Variants in ATP2A2 observed in about 807,000 individuals in gnomAD.
The protein encoded by ATP2A2 is sarcoplasmic/endoplasmic reticulum calcium ATPase 2.
Under a neutral mutation model 109.3 loss-of-function variants are expected in ATP2A2, and 14 were observed. The observed-to-expected ratio is 0.13, with a 90% CI of 0.08 to 0.20. The LOEUF is 0.20. Among genes scored for constraint, ATP2A2 ranks in the 10% least tolerant of loss-of-function variants. ATP2A2 has a pLI of 1.00. For missense variants in ATP2A2, 657 were observed against 1,321.6 expected, an observed-to-expected ratio of 0.50 and a Z score of 7.80; for synonymous variants, 506 against 490.9, an observed-to-expected ratio of 1.03 and a Z score of -0.41.
chr12:110,327,130 G>C lies in ATP2A2; in HGVS notation c.631-423G>C, dbSNP rs1241800448. 6.6e-6 allele frequency among the ~76,000 whole-genome samples: 1 copy of C among 152,144 alleles called. No individual in the cohort carries two copies. The highest frequency in any genetic ancestry group is 2.4e-5 in the African/African-American group (1 of 41,430). Reference sequence around the variant, plus strand: ...CTCACATTTGATTTCTTTGGTTTTTGGACCCTGTCACATGAGTAGGGGTTG... The same window carrying C: ...CTCACATTTGATTTCTTTGGTTTTTCGACCCTGTCACATGAGTAGGGGTTG... On this transcript the variant is annotated intron_variant, in intron 7 of 19. Transcript: ENST00000539276. The surrounding 1 kb of genome is among the most constrained non-coding windows in gnomAD (Gnocchi z 4.4).
rs552778725 is a variant in ATP2A2, at chr12:110,301,493, C to T, written c.463+4756C>T. Among the ~76,000 whole-genome samples the T allele has an allele frequency of 3.9e-5, 6 of 152,220 alleles. No individual in the cohort carries two copies. In the East Asian group the frequency reaches 7.7e-4, roughly 20 times the overall value. ...CCCCCCTCTTATCCTCTGATTTGTC[C>T]GTAAGGCCACTGATTCTGTCTCCAG... On this transcript the variant is annotated intron_variant, in intron 5 of 19. Coordinates refer to ENST00000539276, the MANE Select transcript of ATP2A2 (RefSeq NM_170665.4).
intron 3 of ATP2A2, 45 bp downstream of exon 3, chr12:110,282,840 G>T (rs373761924): frequency 6.8e-7 from 1 of 1,469,462 alleles, no homozygotes; most frequent in South Asian, 1.2e-5. Flanking sequence ...AAAGCTGAAA[G>T]TATTCCATAG....
In ATP2A2 at chr12:110,340,262, C is replaced by T. The variant is rs1431711527; in HGVS notation, c.1762-397C>T. 6.6e-6 allele frequency among the ~76,000 whole-genome samples: 1 copy of T among 152,024 alleles called. No individual in the cohort carries two copies. The highest frequency in any genetic ancestry group is 2.4e-5 in the African/African-American group (1 of 41,394). On this transcript the variant is annotated intron_variant, in intron 13 of 19. Transcript: ENST00000539276. This position sits in a 1 kb window ranked among gnomAD's most constrained non-coding sequence, Gnocchi z 6.0. ...ATAAGAAAATGCAAAAACCGCCAGG[C>T]ACGGTGGCTCAAATGCCTGTAATCT...
chr12:110,345,519 GT>G, intron 18 of ATP2A2, 137 bp downstream of exon 18: 1 of 1,340,770 alleles, frequency 7.5e-7, no homozygotes. Flanking sequence ...GGCAATACCA[GT>G]TTTAAAAGCA....
intron 3 of ATP2A2, among the ~76,000 whole-genome samples, chr12:110,283,385 A>G (rs1346353484): frequency 2.6e-5 from 4 of 152,156 alleles, no homozygotes; most frequent in Non-Finnish European, 4.4e-5. Flanking sequence ...GGTTTAGTAC[A>G]GTTGGTTCTA....
Position 110,282,695 on chromosome 12 carries a change from T to G in ATP2A2, c.137-18T>G, listed in dbSNP as rs553625243. The G allele has an allele frequency of 1.9e-6, 3 of 1,613,912 alleles. No individual in the cohort carries two copies. The highest frequency in any genetic ancestry group is 2.5e-6 in the Non-Finnish European group (3 of 1,179,882). ...ATGGTAAGATGACAGTTAAAACACATGTGTTTGTTTCTTACAGGAAAAACC... is the reference window on the plus strand; with the variant it reads ...ATGGTAAGATGACAGTTAAAACACAGGTGTTTGTTTCTTACAGGAAAAACC... On this transcript the variant is annotated intron_variant, in intron 2 of 19. Coordinates refer to ENST00000539276, the MANE Select transcript of ATP2A2 (RefSeq NM_170665.4).
rs1880012425 is a variant in ATP2A2, at chr12:110,347,703, C to A, written c.*1233C>A. 2 of 1,164,654 alleles carry A rather than the reference C, an allele frequency of 1.7e-6. No homozygotes were observed. Among genetic ancestry groups the A allele is most frequent in the Non-Finnish European group, 2.2e-6 (2 of 929,366 alleles). 72.1% of individuals were successfully genotyped at this position (1,164,654 alleles called of 1,614,324 possible). Reference sequence around the variant, plus strand: ...ACTACGATCAATGTTTGCGCATGTTCGAGATGAGTCTCACCAACAGTGTGT... The same window carrying A: ...ACTACGATCAATGTTTGCGCATGTTAGAGATGAGTCTCACCAACAGTGTGT... On this transcript the variant is annotated 3_prime_UTR_variant, in exon 20 of 20. Transcript: ENST00000539276.
At chr12:110,323,615 G>T (rs1437327801) in intron 6 of ATP2A2, among the ~76,000 whole-genome samples, 3 of 152,124 alleles carry the variant, frequency 2.0e-5, no homozygotes, top group African/African-American at 7.2e-5. Context: ...TTAAAGACGG[G>T]CCTGGGCAAC....
At chr12:110,300,116 T>TCCCTCCCCTCCCCTC (rs373588693) in intron 5 of ATP2A2, among the ~76,000 whole-genome samples, 1 of 103,328 alleles carries the variant, frequency 9.7e-6, no homozygotes, top group African/African-American at 4.5e-5. Context: ...CCTCCCCCTT[T>TCCCTCCCCTCCCCTC]CCCTCCCCTC....
At chr12:110,287,715 A>G (rs1872809270) in intron 3 of ATP2A2, among the ~76,000 whole-genome samples, 1 of 152,044 alleles carries the variant, frequency 6.6e-6, no homozygotes, top group Admixed American at 6.6e-5. Context: ...CCCAGCTTCA[A>G]GTGATTCTCC....
At chr12:110,337,407 T>C (rs1033013840) in intron 11 of ATP2A2, among the ~76,000 whole-genome samples, 10 of 152,240 alleles carry the variant, frequency 6.6e-5, no homozygotes, top group Non-Finnish European at 1.5e-5. Flanking sequence ...TTCCTCAGAA[T>C]CATTGCGTGT....
intron 5 of ATP2A2, among the ~76,000 whole-genome samples, chr12:110,302,438 C>T (rs1230899469): frequency 2.0e-5 from 3 of 152,102 alleles, no homozygotes; most frequent in Admixed American, 1.3e-4. Context: ...TCACCTGTTT[C>T]TGAATCCTTC....
At chr12:110,310,650 A>G (rs1200750892) in intron 5 of ATP2A2, among the ~76,000 whole-genome samples, 2 of 152,214 alleles carry the variant, frequency 1.3e-5, no homozygotes, top group Admixed American at 6.5e-5. Flanking sequence ...AGTGGAAGCA[A>G]CACAATCTTA....
At chr12:110,315,827 G>A (rs1398874841) in intron 5 of ATP2A2, among the ~76,000 whole-genome samples, 1 of 152,216 alleles carries the variant, frequency 6.6e-6, no homozygotes, top group South Asian at 2.1e-4. Flanking sequence ...TGTAGTCCCA[G>A]GTATTTGGGA....
chr12:110,285,206 TG>T (rs1436967122), intron 3 of ATP2A2, among the ~76,000 whole-genome samples: 1 of 152,262 alleles, frequency 6.6e-6, no homozygotes, highest in Admixed American at 6.5e-5. Context: ...AAGCTATGCT[TG>T]TGACCTGTAG....
intron 14 of ATP2A2, 67 bp downstream of exon 14, chr12:110,341,061 C>A: frequency 6.4e-7 from 1 of 1,557,228 alleles, no homozygotes; most frequent in Non-Finnish European, 8.8e-7. Flanking sequence ...CTAATTTTGA[C>A]CACTGAATTT....
At position 110,327,412 on chromosome 12, in the gene ATP2A2, T is replaced by C. The variant is rs1877917093; in HGVS notation, c.631-141T>C. ...AGCATTGCTTGTTGTCACAGTTGTA[T>C]GGCTGGTTGCTTGAACAGTAGCCAG... On this transcript the variant is annotated intron_variant, in intron 7 of 19. Coordinates refer to ENST00000539276, the MANE Select transcript of ATP2A2 (RefSeq NM_170665.4). The surrounding 1 kb of genome is among the most constrained non-coding windows in gnomAD (Gnocchi z 4.4). The C allele has an allele frequency of 1.2e-6, 1 of 811,706 alleles. No homozygotes were observed. Among genetic ancestry groups the C allele is most frequent in the South Asian group, 1.4e-5 (1 of 71,762 alleles). 50.3% of individuals were successfully genotyped at this position (811,706 alleles called of 1,614,324 possible). A position where few individuals can be genotyped will look rare whatever the true frequency, so the allele number is the denominator to read the frequency against.
Position 110,281,735 on chromosome 12 carries a change from CGGAGGCGAGGAGGCCGCGGGGACG to C in ATP2A2, c.-44_-21del, listed in dbSNP as rs1872107220. The C allele has an allele frequency of 7.6e-7, 1 of 1,308,994 alleles. No homozygotes were observed. Among genetic ancestry groups the C allele is most frequent in the Admixed American group, 2.9e-5 (1 of 34,238 alleles). The allele number at this position is 1,308,994 out of a possible 1,614,324, so 81.1% of individuals were successfully genotyped here. A position where few individuals can be genotyped will look rare whatever the true frequency, so the allele number is the denominator to read the frequency against. On this transcript the variant is annotated 5_prime_UTR_variant, in exon 1 of 20. Transcript: ENST00000539276. ...ACGAGCCCGCGGCCGGAGTGCGAGG[CGGAGGCGAGGAGGCCGCGGGGACG>C]GGAGGCGAGGCCGGCCGGGCCCCCG...
rs1210575803 is a variant in ATP2A2 at position 110,292,118 on chromosome 12, A to G, written c.318A>G (p.Val106=). 7 of 1,613,570 alleles carry G rather than the reference A, an allele frequency of 4.3e-6. No homozygotes were observed. The highest frequency in any genetic ancestry group is 5.1e-6 in the Non-Finnish European group (6 of 1,179,484). The change falls in exon 4 of 20, where the codon GTA becomes GTG. Residue 106 remains valine, a synonymous_variant. Transcript: ENST00000539276. ...TAGTAGCCAATGCAATTGTGGGTGT[A>G]TGGCAGGTAAGCAAAAATTCCTGTA... ...LILVANAIVG[V]WQERNAENAI... is the part of the protein sequence containing the mutation.
Sources: allele counts gnomAD v4.1 joint callset (sites outside exome capture counted in the v4.1 genomes callset), GRCh38; gene constraint gnomAD v4.1.1; non-coding constraint Gnocchi (gnomAD v3.1); transcripts MANE v1.5; gene names NCBI Gene and HGNC (gene_info 2026-07-23, HGNC 2026-07-21).